SYT16: variants seen among roughly 807,000 people sequenced by gnomAD.
SYT16 encodes synaptotagmin 16.
In SYT16, 42 loss-of-function variants were observed where a neutral mutation model predicts 61.4. That is an observed-to-expected ratio of 0.68 (90% confidence interval 0.53 to 0.89). SYT16 has a LOEUF of 0.89. SYT16 is among the 40% of genes least tolerant of loss of function. The pLI is 0.00. For synonymous variants in SYT16, 314 were observed against 302.3 expected, an observed-to-expected ratio of 1.04 and a Z score of -0.40; for missense variants, 804 against 807.3, an observed-to-expected ratio of 1.00 and a Z score of 0.05.
At chr14:62,066,341 C>T (rs780016125) in intron 3 of SYT16, among the ~76,000 whole-genome samples, 9 of 152,198 alleles carry the variant, frequency 5.9e-5, no homozygotes, top group Admixed American at 6.5e-5. Context: ...TCTTAATTGA[C>T]GGTGTGATCT....
intron 3 of SYT16, among the ~76,000 whole-genome samples, chr14:62,038,500 C>G (rs1311492078): frequency 6.6e-6 from 1 of 152,128 alleles, no homozygotes; most frequent in South Asian, 2.1e-4. Flanking sequence ...GAGGGAAAAT[C>G]GCTTATTTAC....
At chr14:61,900,797 A>G (rs2048485793) in intron 1 of SYT16, among the ~76,000 whole-genome samples, 2 of 152,146 alleles carry the variant, frequency 1.3e-5, no homozygotes, top group South Asian at 4.1e-4. Flanking sequence ...CTTGGCTTGG[A>G]CTATGTACCC....
At chr14:61,946,207 A>G (rs1374029722) in intron 1 of SYT16, among the ~76,000 whole-genome samples, 2 of 152,186 alleles carry the variant, frequency 1.3e-5, no homozygotes, top group East Asian at 1.9e-4. Context: ...TTAAAGTACA[A>G]TAAAAAAAAG....
chr14:62,069,074 G>A (rs899681592), intron 3 of SYT16, among the ~76,000 whole-genome samples: 2 of 152,216 alleles, frequency 1.3e-5, no homozygotes, highest in Non-Finnish European at 2.9e-5. Flanking sequence ...GGGATTACAG[G>A]CGTGAGCCAC....
intron 3 of SYT16, among the ~76,000 whole-genome samples, chr14:62,068,590 CTA>C (rs1212101667): frequency 6.6e-6 from 1 of 152,064 alleles, no homozygotes; most frequent in African/African-American, 2.4e-5. Flanking sequence ...AAAAAAGTAA[CTA>C]TGTGAGGTGA....
At chr14:61,942,823 CCTT>C (rs2050258721) in intron 1 of SYT16, among the ~76,000 whole-genome samples, 2 of 152,064 alleles carry the variant, frequency 1.3e-5, no homozygotes, top group Non-Finnish European at 2.9e-5. Context: ...AGTTTTCCAT[CCTT>C]AGGTTTCTAT....
chr14:61,839,772 C>T (rs901373898), intron 1 of SYT16, among the ~76,000 whole-genome samples: 9 of 152,092 alleles, frequency 5.9e-5, no homozygotes, highest in Non-Finnish European at 8.8e-5. Flanking sequence ...TTTTCTGTTG[C>T]ATTATATTCC....
intron 2 of SYT16, among the ~76,000 whole-genome samples, chr14:61,991,169 C>G (rs1476896553): frequency 6.6e-6 from 1 of 152,114 alleles, no homozygotes; most frequent in African/African-American, 2.4e-5. Context: ...CACACACATA[C>G]ACACACACCA....
chr14:61,832,114 A>T, intron 1 of SYT16: 1 of 728,262 alleles, frequency 1.4e-6, no homozygotes. Flanking sequence ...CTCTCCTTGA[A>T]CTGAATGTGA....
Position 62,080,785 on chromosome 14 carries a change from A to C in SYT16, c.994-49A>C, listed in dbSNP as rs746793789. The C allele has an allele frequency of 6.5e-6, 10 of 1,538,520 alleles. No individual in the cohort carries two copies. The African/African-American group carries it at 8.2e-5, about 13-fold the overall frequency. ...AGGGGCACCAACTGGCCAAAATGTA[A>C]TTGGGTATCATCATTTCCATTTCTA... On this transcript the variant is annotated intron_variant, in intron 5 of 7. Coordinates refer to ENST00000683842, the MANE Select transcript of SYT16 (RefSeq NM_001367656.1).
At chr14:61,860,154 G>A (rs915433558) in intron 1 of SYT16, among the ~76,000 whole-genome samples, 2 of 152,208 alleles carry the variant, frequency 1.3e-5, no homozygotes, top group African/African-American at 2.4e-5. Context: ...TTGCACAAAG[G>A]TTTTATGTTT....
chr14:61,917,627 C>T (rs1347369906), intron 1 of SYT16, among the ~76,000 whole-genome samples: 2 of 151,812 alleles, frequency 1.3e-5, no homozygotes, highest in African/African-American at 4.8e-5. Context: ...TTGATTACAT[C>T]TGATTTTAAG....
At chr14:61,944,693 A>G (rs897203514) in intron 1 of SYT16, among the ~76,000 whole-genome samples, 12 of 152,232 alleles carry the variant, frequency 7.9e-5, no homozygotes, top group African/African-American at 2.9e-4. Context: ...ATATGTAGAA[A>G]GCTGAAACTG....
In SYT16 at chr14:62,109,060, AG is replaced by A. The variant is rs2057559801; in HGVS notation, c.*8355del. 1 of 152,178 alleles carries A rather than the reference AG, an allele frequency of 6.6e-6. No homozygotes were observed. The allele number at this position is 152,178 out of a possible 1,614,324, so 9.4% of individuals were successfully genotyped here. On this transcript the variant is annotated 3_prime_UTR_variant, in exon 8 of 8. Coordinates refer to ENST00000683842, the MANE Select transcript of SYT16 (RefSeq NM_001367656.1). The stretch of plus-strand genomic sequence containing the variant: ...CACCCAAAGTGCATAGTTCATATTA[AG>A]GTTCACTCTTGGTGTTGTGTATTTT...
At chr14:61,929,462 C>T (rs927368332) in intron 1 of SYT16, among the ~76,000 whole-genome samples, 2 of 152,154 alleles carry the variant, frequency 1.3e-5, no homozygotes, top group Non-Finnish European at 2.9e-5. Flanking sequence ...ATTAACCTGG[C>T]GGTCGTGCCT....
At chr14:62,084,861 C>T (rs144639209) in intron 7 of SYT16, among the ~76,000 whole-genome samples, 1 of 152,260 alleles carries the variant, frequency 6.6e-6, no homozygotes, top group African/African-American at 2.4e-5. Context: ...ATTAATAGTA[C>T]CTTCCTGATG....
In SYT16 at chr14:61,974,744, G is replaced by A. The variant is rs115314959; in HGVS notation, c.-145+4433G>A. ...GTTTAGTTTCTCAACACTGAGTTGG[G>A]AAGATGGAGGATTCTCCAGAGAAAG... is the stretch of plus-strand genomic sequence containing the variant. On this transcript the variant is annotated intron_variant, in intron 2 of 7. Coordinates refer to ENST00000683842, the MANE Select transcript of SYT16 (RefSeq NM_001367656.1). 9.6e-3 allele frequency among the ~76,000 whole-genome samples: 1,466 copies of A among 152,342 alleles called. 19 individuals carry two copies. Among genetic ancestry groups the A allele is most frequent in the African/African-American group, 0.034 (1,411 of 41,578 alleles).
At chr14:62,049,909 T>G (rs1390309107) in intron 3 of SYT16, among the ~76,000 whole-genome samples, 2 of 152,200 alleles carry the variant, frequency 1.3e-5, no homozygotes, top group Admixed American at 1.3e-4. Flanking sequence ...TTAACATTTT[T>G]TCCTTCATTT....
At chr14:62,090,855 A>G (rs528276967) in intron 7 of SYT16, among the ~76,000 whole-genome samples, 2 of 152,280 alleles carry the variant, frequency 1.3e-5, no homozygotes, top group South Asian at 4.1e-4. Context: ...TCATGAAGGA[A>G]GGCAAAAGGC....
Sources: allele counts gnomAD v4.1 joint callset (sites outside exome capture counted in the v4.1 genomes callset), GRCh38; gene constraint gnomAD v4.1.1; transcripts MANE v1.5; gene names NCBI Gene and HGNC (gene_info 2026-07-23, HGNC 2026-07-21).